Variants in TMEM204 observed in about 807,000 individuals in gnomAD.
TMEM204 encodes the protein claudin-like protein 24.
A neutral mutation model predicts 19.4 loss-of-function variants in TMEM204; 15 were observed. The observed-to-expected ratio is 0.77, with a 90% CI of 0.52 to 1.19. The LOEUF is 1.19. TMEM204 is among the 50% of genes most tolerant of loss of function. The pLI, the probability that TMEM204 is intolerant of heterozygous loss-of-function variation, is 0.00. For synonymous variants in TMEM204, 161 were observed against 146.0 expected, an observed-to-expected ratio of 1.10 and a Z score of -0.74; for missense variants, 287 against 321.2, an observed-to-expected ratio of 0.89 and a Z score of 0.81.
chr16:1,554,126 G>T, intron 2 of TMEM204: 2 of 1,287,128 alleles, frequency 1.6e-6, no homozygotes, highest in South Asian at 1.2e-5. Flanking sequence ...CGGAAGTGAG[G>T]GAAGACACCA....
At chr16:1,548,563 C>A (rs995271975) in intron 2 of TMEM204, among the ~76,000 whole-genome samples, 1 of 152,230 alleles carries the variant, frequency 6.6e-6, no homozygotes, top group Non-Finnish European at 1.5e-5. Flanking sequence ...TCTAGACAAA[C>A]TGATGAACAT....
chr16:1,541,818 G>A (rs542116141), intron 1 of TMEM204, 103 bp from the exon 2 acceptor site: 14 of 1,385,696 alleles, frequency 1.0e-5, no homozygotes, highest in African/African-American at 1.5e-5. Context: ...TGTGCCGACC[G>A]CCCTTTCCGA....
chr16:1,551,721 G>A lies in TMEM204; in HGVS notation c.437-3061G>A, dbSNP rs539708092. On this transcript the variant is annotated intron_variant, in intron 2 of 2. Transcript: ENST00000566264. This position sits in a 1 kb window ranked among gnomAD's most constrained non-coding sequence, Gnocchi z 4.0. Reference sequence around the variant, plus strand: ...ATCAGCGGCACTTCAGTCTTCTACGGGGTTTTGTTGGGAGCTACCTATACA... The same window carrying A: ...ATCAGCGGCACTTCAGTCTTCTACGAGGTTTTGTTGGGAGCTACCTATACA... 8.1e-4 allele frequency among the ~76,000 whole-genome samples: 124 copies of A among 152,344 alleles called. No individual in the cohort carries two copies. The highest frequency in any genetic ancestry group is 2.5e-3 in the African/African-American group (105 of 41,572).
rs546219091 is a variant in TMEM204 at position 1,541,349 on chromosome 16, A to T, written c.281-572A>T. 3.1e-5 allele frequency: 31 copies of T among 985,272 alleles called. No homozygotes were observed. The South Asian group carries it at 1.2e-3, about 37-fold the overall frequency. 61.0% of individuals were successfully genotyped at this position (985,272 alleles called of 1,614,324 possible). On this transcript the variant is annotated intron_variant, in intron 1 of 2. Transcript: ENST00000566264. Reference sequence around the variant, plus strand: ...CCTGCTCAGCCCCTTGCTGGTTATGAGGGGCCCAGATGAGCTGCTTCTCCT... The same window carrying T: ...CCTGCTCAGCCCCTTGCTGGTTATGTGGGGCCCAGATGAGCTGCTTCTCCT...
At chr16:1,547,737 T>C (rs1355312217) in intron 2 of TMEM204, among the ~76,000 whole-genome samples, 1 of 152,172 alleles carries the variant, frequency 6.6e-6, no homozygotes, top group Non-Finnish European at 1.5e-5. Flanking sequence ...GGTTTCACCA[T>C]GTTGGCCAGG....
At chr16:1,530,809 A>T (rs1301094746), upstream of TMEM204, 2 of 150,956 alleles carry the variant, frequency 1.3e-5, 1 homozygote, top group Non-Finnish European at 2.9e-5. Context: ...CAGCCAGCAC[A>T]CCGTCAGATG....
At chr16:1,550,490 C>T (rs886144568) in intron 2 of TMEM204, among the ~76,000 whole-genome samples, 11 of 152,252 alleles carry the variant, frequency 7.2e-5, no homozygotes, top group Non-Finnish European at 1.6e-4. Context: ...AACAACAGTT[C>T]AGGAAGCAGC....
chr16:1,546,502 G>T (rs1190778693), intron 2 of TMEM204, among the ~76,000 whole-genome samples: 2 of 152,302 alleles, frequency 1.3e-5, no homozygotes, highest in South Asian at 4.1e-4. Context: ...ATGTGCCCTC[G>T]TCAGCAATGC....
chr16:1,539,498 C>T (rs2031414960), intron 1 of TMEM204, among the ~76,000 whole-genome samples: 1 of 152,280 alleles, frequency 6.6e-6, no homozygotes, highest in East Asian at 1.9e-4. Flanking sequence ...TGAGCCAGGT[C>T]CTCACCTGCT....
intron 1 of TMEM204, chr16:1,541,547 G>A (rs906030687): frequency 1.0e-6 from 1 of 973,630 alleles, no homozygotes; most frequent in Non-Finnish European, 1.2e-6. Flanking sequence ...GGAAGCCGGT[G>A]TTGCTGGTGG....
intron 1 of TMEM204, among the ~76,000 whole-genome samples, chr16:1,535,759 C>G (rs1324301744): frequency 6.6e-6 from 1 of 152,254 alleles, no homozygotes; most frequent in Non-Finnish European, 1.5e-5. Context: ...AGGCCCTCGG[C>G]TGCACCGCAC....
At position 1,544,596 on chromosome 16, in the gene TMEM204, C is replaced by T. The variant is rs145377914; in HGVS notation, c.436+2520C>T. On this transcript the variant is annotated intron_variant, in intron 2 of 2. Coordinates refer to ENST00000566264, the MANE Select transcript of TMEM204 (RefSeq NM_024600.6). The stretch of plus-strand genomic sequence containing the variant: ...CCACCCACCTCAGCCTCCCAAAGTG[C>T]TGGAATTACAAACGTGTGCTACTGC... Among the ~76,000 whole-genome samples, 835 of 152,142 alleles carry T rather than the reference C, an allele frequency of 5.5e-3. 1 individual carries two copies. The highest frequency in any genetic ancestry group is 9.0e-3 in the Non-Finnish European group (614 of 67,950).
At chr16:1,542,139 G>A (rs2031712965) in intron 2 of TMEM204, 63 bp downstream of exon 2, 4 of 1,464,888 alleles carry the variant, frequency 2.7e-6, no homozygotes, top group African/African-American at 2.8e-5. Context: ...GGTGCCACAG[G>A]AGGGTCCTGA....
chr16:1,538,172 G>A (rs2031265560), intron 1 of TMEM204, among the ~76,000 whole-genome samples: 1 of 152,208 alleles, frequency 6.6e-6, no homozygotes, highest in Non-Finnish European at 1.5e-5. Flanking sequence ...CCTCCTTCCT[G>A]GCAGGGCGGT....
intron 2 of TMEM204, among the ~76,000 whole-genome samples, chr16:1,547,090 A>G (rs924882213): frequency 6.6e-6 from 1 of 152,240 alleles, no homozygotes; most frequent in Non-Finnish European, 1.5e-5. Flanking sequence ...ATGATGCCGA[A>G]GGCTTCTCGC....
chr16:1,534,492 T>C lies in TMEM204; in HGVS notation c.217T>C (p.Cys73Arg), dbSNP rs1228700896. 6.2e-7 allele frequency: 1 copy of C among 1,609,680 alleles called. No homozygotes were observed. The highest frequency in any genetic ancestry group is 8.5e-7 in the Non-Finnish European group (1 of 1,179,836). ...AGCCGGCCAGGTGGACGCACATGAC[T>C]GTGAGGCGCTGGGCTGGGGCTCCGA... is the stretch of plus-strand genomic sequence containing the variant. Reference protein sequence around the residue: ...ARAGQVDAHDCEALGWGSEAA... With the variant: ...ARAGQVDAHDREALGWGSEAA... Residue 73 changes from cysteine to arginine, a missense_variant, in exon 1 of 3, where the codon TGT (cysteine) becomes CGT (arginine). Coordinates refer to ENST00000566264, the MANE Select transcript of TMEM204 (RefSeq NM_024600.6).
intron 2 of TMEM204, among the ~76,000 whole-genome samples, 191 bp from the exon 3 acceptor site, chr16:1,554,591 G>A (rs965062506): frequency 4.6e-5 from 7 of 152,190 alleles, no homozygotes; most frequent in Non-Finnish European, 8.8e-5. Context: ...CAGGGCAGCC[G>A]CCCCGTAAAG....
At chr16:1,536,169 ACCCACAGGTGG>A (rs2031052281) in intron 1 of TMEM204, among the ~76,000 whole-genome samples, 1 of 152,138 alleles carries the variant, frequency 6.6e-6, no homozygotes, top group African/African-American at 2.4e-5. Context: ...TGCCACCAAC[ACCCACAGGTGG>A]CCCAGGCAGC....
chr16:1,540,575 C>G (rs2076441), intron 1 of TMEM204, among the ~76,000 whole-genome samples: 73,009 of 152,012 alleles, frequency 0.48, 18,464 homozygotes, highest in African/African-American at 0.65. Flanking sequence ...GCTCTTGGGA[C>G]ATTCTGCTGC....
Sources: allele counts gnomAD v4.1 joint callset (sites outside exome capture counted in the v4.1 genomes callset), GRCh38; gene constraint gnomAD v4.1.1; non-coding constraint Gnocchi (gnomAD v3.1); transcripts MANE v1.5; gene names NCBI Gene and HGNC (gene_info 2026-07-23, HGNC 2026-07-21).